GRAP2: variants seen among roughly 807,000 people sequenced by gnomAD.
GRAP2 encodes GRB2 related adaptor protein 2.
GRAP2 carries 31 observed loss-of-function variants against 43.5 expected under a neutral mutation model. That is an observed-to-expected ratio of 0.71 (90% CI 0.54 to 0.96). The LOEUF (loss-of-function observed/expected upper bound fraction) is 0.96, where lower values mean the gene tolerates loss of function less well. Ranked by LOEUF, GRAP2 falls within the 40% of genes least tolerant of loss-of-function variation. The probability of loss-of-function intolerance (pLI) is 0.00; values close to 1 mark genes in which losing one functional copy is unlikely to be tolerated. For synonymous variants in GRAP2, 156 were observed against 164.8 expected (o/e 0.95, Z 0.41); for missense variants, 371 against 424.4 (o/e 0.87, Z 1.11).
intron 6 of GRAP2, chr22:39,968,564 A>T (rs558680001): frequency 4.2e-6 from 2 of 477,018 alleles, no homozygotes; most frequent in Non-Finnish European, 7.4e-6. Flanking sequence ...TCATTTTCCT[A>T]TCAGCACAAT....
chr22:39,932,437 A>C (rs2066764832), intron 1 of GRAP2, among the ~76,000 whole-genome samples: 1 of 151,850 alleles, frequency 6.6e-6, no homozygotes, highest in Non-Finnish European at 1.5e-5. Flanking sequence ...CTGGCTGGGC[A>C]CAGTGGCTCA....
At chr22:39,898,396 A>G (rs1343863378), upstream of GRAP2, among the ~76,000 whole-genome samples, 1 of 152,252 alleles carries the variant, frequency 6.6e-6, no homozygotes, top group Non-Finnish European at 1.5e-5. Flanking sequence ...AACAGGACTA[A>G]CACAGAGTAG....
intron 1 of GRAP2, among the ~76,000 whole-genome samples, chr22:39,920,688 G>A (rs1374123104): frequency 6.6e-6 from 1 of 152,084 alleles, no homozygotes; most frequent in Non-Finnish European, 1.5e-5. Flanking sequence ...AAAATAACAG[G>A]GAAGAAGATG....
At chr22:39,904,003 A>T (rs2066508436) in intron 1 of GRAP2, among the ~76,000 whole-genome samples, 1 of 152,218 alleles carries the variant, frequency 6.6e-6, no homozygotes, top group Admixed American at 6.5e-5. Flanking sequence ...ATAAACAAAA[A>T]TTTTAGAGAA....
chr22:39,897,342 C>T (rs535029116), upstream of GRAP2, among the ~76,000 whole-genome samples: 1 of 152,148 alleles, frequency 6.6e-6, no homozygotes, highest in South Asian at 2.1e-4. Flanking sequence ...GCTACCCAGT[C>T]TAGATAATAA....
chr22:39,895,135 C>A, the GRAP2 span, among the ~76,000 whole-genome samples: 96,874 of 152,050 alleles, frequency 0.64, 31,860 homozygotes, highest in African/African-American at 0.81. Flanking sequence ...CATGAAGAAC[C>A]TTATCCATAC....
At chr22:39,903,066 G>C (rs2066502763) in intron 1 of GRAP2, among the ~76,000 whole-genome samples, 1 of 152,168 alleles carries the variant, frequency 6.6e-6, no homozygotes, top group Admixed American at 6.5e-5. Context: ...TGACTGACAG[G>C]GTTCATGCCT....
chr22:39,947,317 T>C, intron 2 of GRAP2, 133 bp downstream of exon 2: 1 of 700,000 alleles, frequency 1.4e-6, no homozygotes, highest in Non-Finnish European at 2.7e-6. Flanking sequence ...ATTCCCTTTG[T>C]GCACCCTTAT....
chr22:39,899,754 G>A (rs1367155724), upstream of GRAP2, among the ~76,000 whole-genome samples: 1 of 152,010 alleles, frequency 6.6e-6, no homozygotes, highest in South Asian at 2.1e-4. Context: ...AGGTTGAGGC[G>A]GGCGGATCAT....
intron 2 of GRAP2, among the ~76,000 whole-genome samples, chr22:39,950,149 G>A (rs763525918): frequency 1.4e-4 from 21 of 151,942 alleles, no homozygotes; most frequent in Non-Finnish European, 2.4e-4. Flanking sequence ...TACTCTGATT[G>A]CCCCTCTCCT....
chr22:39,926,393 G>A (rs1354265765), intron 1 of GRAP2, among the ~76,000 whole-genome samples: 1 of 149,128 alleles, frequency 6.7e-6, no homozygotes, highest in Non-Finnish European at 1.5e-5. Context: ...ACCAGAGCTA[G>A]CAAATGAAAT....
chr22:39,902,505 C>G (rs1045643050), intron 1 of GRAP2, among the ~76,000 whole-genome samples: 1 of 152,168 alleles, frequency 6.6e-6, no homozygotes, highest in Non-Finnish European at 1.5e-5. Context: ...AAATCTGACT[C>G]ATACCCTTTT....
intron 3 of GRAP2, 120 bp downstream of exon 3, chr22:39,956,030 C>T (rs2067046319): frequency 1.5e-6 from 1 of 652,428 alleles, no homozygotes; most frequent in Non-Finnish European, 2.9e-6. Context: ...GCCTCTGGAG[C>T]TCTCTCCGGA....
chr22:39,907,348 C>T (rs1232393390), intron 1 of GRAP2, among the ~76,000 whole-genome samples: 6 of 152,152 alleles, frequency 3.9e-5, no homozygotes, highest in Non-Finnish European at 8.8e-5. Context: ...ACAGAATTTC[C>T]GTGGGAAATT....
chr22:39,945,707 A>C (rs1182653951), intron 1 of GRAP2, among the ~76,000 whole-genome samples: 1 of 152,244 alleles, frequency 6.6e-6, no homozygotes, highest in Non-Finnish European at 1.5e-5. Flanking sequence ...AATTTCAATG[A>C]GAAAAGTTCA....
At chr22:39,896,011 A>T in the GRAP2 span, among the ~76,000 whole-genome samples, 2 of 152,228 alleles carry the variant, frequency 1.3e-5, no homozygotes, top group Admixed American at 1.3e-4. Context: ...CCCTACTCCA[A>T]GGACCAATCT....
intron 1 of GRAP2, among the ~76,000 whole-genome samples, chr22:39,944,824 AATTT>A (rs1275379788): frequency 1.3e-5 from 2 of 152,102 alleles, no homozygotes; most frequent in Non-Finnish European, 2.9e-5. Context: ...TTTCATTTCT[AATTT>A]ATGTAACTTT....
rs543031187 is a variant in GRAP2 at position 39,957,072 on chromosome 22, G to A, written c.170+1162G>A. 7.2e-5 allele frequency among the ~76,000 whole-genome samples: 11 copies of A among 152,280 alleles called. No homozygotes were observed. In the East Asian group the frequency reaches 1.2e-3, roughly 16 times the overall value. ...AAATGAAAAATTGAGATTGGGCTTC[G>A]TTTGTCTCAAGAATTGACCACAAGG... is the stretch of plus-strand genomic sequence containing the variant. On this transcript the variant is annotated intron_variant, in intron 3 of 7. Transcript: ENST00000344138.
intron 1 of GRAP2, among the ~76,000 whole-genome samples, chr22:39,902,841 C>T (rs1421857534): frequency 1.3e-5 from 2 of 152,096 alleles, no homozygotes; most frequent in African/African-American, 4.8e-5. Context: ...ATATGAAGTG[C>T]CTTAGGAAAA....
Sources: gnomAD v4.1 joint callset for allele counts (sites outside exome capture counted in the v4.1 genomes callset) on GRCh38, gnomAD v4.1.1 for gene constraint, MANE v1.5 for transcripts, NCBI Gene and HGNC (gene_info 2026-07-23, HGNC 2026-07-21) for gene names.